The following MAGI2 variants were observed in gnomAD, a reference collection of about 807,000 sequenced individuals.
The protein encoded by MAGI2 is membrane associated guanylate kinase, WW and PDZ domain containing 2.
In MAGI2, 35 loss-of-function variants were observed where a neutral mutation model predicts 133.3. The ratio of observed to expected loss-of-function variants is 0.26; its 90% CI spans 0.20 to 0.35. MAGI2 has a LOEUF of 0.35. Ranked by LOEUF, MAGI2 falls within the 10% of genes least tolerant of loss-of-function variation. The pLI is 1.00. For synonymous variants in MAGI2, 729 were observed against 710.6 expected (o/e 1.03, Z -0.41); for missense variants, 1,636 against 1,863.4 (o/e 0.88, Z 2.25).
intron 2 of MAGI2, among the ~76,000 whole-genome samples, chr7:78,841,552 T>G: frequency 6.6e-6 from 1 of 151,970 alleles, no homozygotes; most frequent in East Asian, 1.9e-4. Flanking sequence ...CCTCTTGTAC[T>G]TTGACAACTC....
intron 1 of MAGI2, among the ~76,000 whole-genome samples, chr7:79,304,193 G>GTGTC (rs1554438876): frequency 2.0e-4 from 4 of 20,112 alleles, no homozygotes; most frequent in Non-Finnish European, 7.6e-4. Context: ...GTGTGTGTGT[G>GTGTC]TGTGTGTGTC....
At chr7:79,316,650 C>T (rs763710145) in intron 1 of MAGI2, among the ~76,000 whole-genome samples, 1 of 152,186 alleles carries the variant, frequency 6.6e-6, no homozygotes, top group East Asian at 1.9e-4. Flanking sequence ...TATCCTGTCC[C>T]TCCATCCTCT....
chr7:78,929,054 A>G (rs1799920320), intron 2 of MAGI2, among the ~76,000 whole-genome samples: 1 of 152,110 alleles, frequency 6.6e-6, no homozygotes, highest in African/African-American at 2.4e-5. Context: ...TGGAATATTA[A>G]AGAATAATGT....
At chr7:78,632,084 ATTTT>A (rs993672969) in intron 2 of MAGI2, among the ~76,000 whole-genome samples, 1 of 152,190 alleles carries the variant, frequency 6.6e-6, no homozygotes. Context: ...AGCAGAAATG[ATTTT>A]TTTAATGAAG....
chr7:79,376,983 A>C (rs1344698824), intron 1 of MAGI2, among the ~76,000 whole-genome samples: 1 of 151,864 alleles, frequency 6.6e-6, no homozygotes, highest in Non-Finnish European at 1.5e-5. Flanking sequence ...CTAGGACAGA[A>C]GAATCACATA....
intron 1 of MAGI2, among the ~76,000 whole-genome samples, chr7:79,293,892 T>G (rs972786971): frequency 6.6e-6 from 1 of 152,138 alleles, no homozygotes; most frequent in Non-Finnish European, 1.5e-5. Flanking sequence ...TATACAAAAG[T>G]TGTAAAGAGG....
chr7:78,249,255 CTG>C (rs1792126064), intron 10 of MAGI2, among the ~76,000 whole-genome samples: 1 of 152,066 alleles, frequency 6.6e-6, no homozygotes, highest in African/African-American at 2.4e-5. Flanking sequence ...CCCTTGCACA[CTG>C]TGGATGGCAA....
chr7:78,999,163 G>A lies in MAGI2; in HGVS notation c.418+7927C>T, dbSNP rs186270277. 3.0e-4 allele frequency among the ~76,000 whole-genome samples: 45 copies of A among 152,138 alleles called. No individual in the cohort carries two copies. In the East Asian group the frequency reaches 7.7e-3, roughly 26 times the overall value. ...GAAAGCCTCCCTCCTATGAAAAAAA[G>A]GAAAGAGAAATACAAACTAAGAGGG... is the stretch of plus-strand genomic sequence containing the variant. On this transcript the variant is annotated intron_variant, in intron 2 of 21. Coordinates refer to ENST00000354212, the MANE Select transcript of MAGI2 (RefSeq NM_012301.4).
intron 6 of MAGI2, among the ~76,000 whole-genome samples, chr7:78,370,103 T>C (rs1384495108): frequency 6.6e-6 from 1 of 152,080 alleles, no homozygotes; most frequent in African/African-American, 2.4e-5. Context: ...ATTATAGCAA[T>C]AATATGTATC....
intron 1 of MAGI2, among the ~76,000 whole-genome samples, chr7:79,119,818 T>C (rs768683706): frequency 1.3e-5 from 2 of 151,982 alleles, no homozygotes; most frequent in East Asian, 1.9e-4. Flanking sequence ...TGTATTATGG[T>C]GTGAGGAAAA....
intron 3 of MAGI2, among the ~76,000 whole-genome samples, chr7:78,580,837 CAT>C (rs1802759040): frequency 1.3e-5 from 2 of 152,104 alleles, no homozygotes; most frequent in South Asian, 2.1e-4. Context: ...TAAACAAAAA[CAT>C]AAAGTTCTGT....
chr7:79,162,117 T>G (rs1243914021), intron 1 of MAGI2, among the ~76,000 whole-genome samples: 1 of 152,060 alleles, frequency 6.6e-6, no homozygotes, highest in Non-Finnish European at 1.5e-5. Context: ...AGTGTTAGAT[T>G]TTAGCCCTAA....
chr7:79,109,951 G>T (rs866685246), intron 1 of MAGI2, among the ~76,000 whole-genome samples: 9 of 152,216 alleles, frequency 5.9e-5, no homozygotes, highest in African/African-American at 2.2e-4. Flanking sequence ...AGTCACAACT[G>T]CCCTGTGCCA....
intron 1 of MAGI2, among the ~76,000 whole-genome samples, chr7:79,385,977 A>T (rs527720278): frequency 2.6e-5 from 4 of 152,104 alleles, no homozygotes; most frequent in African/African-American, 9.6e-5. Flanking sequence ...TATTTTTTTA[A>T]AAGACACTTT....
chr7:78,444,123 G>C (rs188311939), intron 6 of MAGI2, among the ~76,000 whole-genome samples: 46 of 152,138 alleles, frequency 3.0e-4, no homozygotes, highest in African/African-American at 1.0e-3. Context: ...GTTCAGGGTT[G>C]AGCTTTAGTC....
intron 9 of MAGI2, among the ~76,000 whole-genome samples, chr7:78,280,648 C>G (rs932841689): frequency 6.6e-6 from 1 of 152,068 alleles, no homozygotes; most frequent in East Asian, 1.9e-4. Flanking sequence ...TAGACTGAGA[C>G]GTTAAGTATG....
At chr7:78,978,018 CAG>C (rs1584558991) in intron 2 of MAGI2, among the ~76,000 whole-genome samples, 1 of 151,042 alleles carries the variant, frequency 6.6e-6, no homozygotes, top group East Asian at 2.0e-4. Context: ...AAAAAACTGA[CAG>C]TAACAATTGT....
At chr7:78,604,405 G>C (rs994366000) in intron 3 of MAGI2, among the ~76,000 whole-genome samples, 1 of 152,124 alleles carries the variant, frequency 6.6e-6, no homozygotes, top group Non-Finnish European at 1.5e-5. Flanking sequence ...GAAGTGGTTT[G>C]CCCGTCCTTT....
intron 16 of MAGI2, among the ~76,000 whole-genome samples, chr7:78,140,951 GC>G (rs1042124963): frequency 6.6e-6 from 1 of 152,186 alleles, no homozygotes; most frequent in African/African-American, 2.4e-5. Flanking sequence ...ATAACGTGCA[GC>G]AAAAGTAGAG....
Sources: gnomAD v4.1 joint callset for allele counts (sites outside exome capture counted in the v4.1 genomes callset) on GRCh38, gnomAD v4.1.1 for gene constraint, MANE v1.5 for transcripts, NCBI Gene and HGNC (gene_info 2026-07-23, HGNC 2026-07-21) for gene names.